Variants in CCDC112 observed in about 807,000 individuals in gnomAD.
The protein encoded by CCDC112 is coiled-coil domain containing 112.
A neutral mutation model predicts 66.3 loss-of-function variants in CCDC112; 40 were observed. The ratio of observed to expected loss-of-function variants is 0.60; its 90% CI spans 0.47 to 0.79. The LOEUF (loss-of-function observed/expected upper bound fraction) is 0.79, where lower values mean the gene tolerates loss of function less well. Ranked by LOEUF, CCDC112 falls within the 30% of genes least tolerant of loss-of-function variation. CCDC112 has a pLI of 0.00. For missense variants in CCDC112, 659 were observed against 603.8 expected (o/e 1.09, Z -0.96); for synonymous variants, 214 against 197.2 (o/e 1.09, Z -0.71).
chr5:115,293,996 G>A (rs1404452252), intron 1 of CCDC112, among the ~76,000 whole-genome samples: 1 of 152,188 alleles, frequency 6.6e-6, no homozygotes, highest in Admixed American at 6.5e-5. Flanking sequence ...AAATGACATT[G>A]GAGAGGAGGA....
chr5:115,291,067 G>A lies in CCDC112; in HGVS notation c.117+5360C>T, dbSNP rs527719055. On this transcript the variant is annotated intron_variant, in intron 1 of 9. Transcript: ENST00000379611. ...AATTTTGCCTTGTTCCTGATCATAC[G>A]GAAACAGCTTTCCATATTTGATCAT... Among the ~76,000 whole-genome samples the A allele has an allele frequency of 7.2e-5, 11 of 152,100 alleles. No individual in the cohort carries two copies. The South Asian group carries it at 1.7e-3, about 23-fold the overall frequency.
At chr5:115,291,557 A>G (rs1580810993) in intron 1 of CCDC112, among the ~76,000 whole-genome samples, 2 of 152,268 alleles carry the variant, frequency 1.3e-5, no homozygotes, top group Middle Eastern at 3.4e-3. Context: ...CATTTGTTAA[A>G]AACAAAAATA....
In CCDC112 at chr5:115,292,560, A is replaced by T. The variant is rs1218289304; in HGVS notation, c.117+3867T>A. ...GAACCATACTTTCTTGCCGTGTCTC[A>T]TAACTTTGTTAAAGACTGGACATAT... On this transcript the variant is annotated intron_variant, in intron 1 of 9. Coordinates refer to ENST00000379611, the MANE Select transcript of CCDC112 (RefSeq NM_001040440.3). 1.8e-4 allele frequency among the ~76,000 whole-genome samples: 27 copies of T among 152,332 alleles called. 1 individual carries two copies. Among genetic ancestry groups the T allele is most frequent in the Middle Eastern group, 3.4e-3 (1 of 294 alleles).
At chr5:115,272,800 T>C (rs1024457220) in intron 6 of CCDC112, among the ~76,000 whole-genome samples, 15 of 152,156 alleles carry the variant, frequency 9.9e-5, no homozygotes, top group African/African-American at 3.6e-4. Flanking sequence ...GGCAATGTGA[T>C]AGGAACAATG....
chr5:115,268,660 AT>A, intron 9 of CCDC112, among the ~76,000 whole-genome samples: 1 of 147,924 alleles, frequency 6.8e-6, no homozygotes, highest in Admixed American at 6.8e-5. Flanking sequence ...ATATGAAAAA[AT>A]ATGTATATTT....
At chr5:115,293,175 G>T (rs997596497) in intron 1 of CCDC112, among the ~76,000 whole-genome samples, 8 of 152,188 alleles carry the variant, frequency 5.3e-5, no homozygotes, top group African/African-American at 1.9e-4. Context: ...AGAGGCTGGT[G>T]GGGAGGGCAA....
At chr5:115,294,202 T>C (rs1750049761) in intron 1 of CCDC112, among the ~76,000 whole-genome samples, 1 of 152,232 alleles carries the variant, frequency 6.6e-6, no homozygotes, top group Admixed American at 6.5e-5. Flanking sequence ...AGATATTTAC[T>C]CCAAAGTAAT....
Position 115,296,566 on chromosome 5 carries a change from G to A in CCDC112, c.-23C>T. ...CATGTTTACCCGCCGAGCTACTCGGGCCGCGGCGGCCACCGGTGCCTGGGG... is the reference window on the plus strand; with the variant it reads ...CATGTTTACCCGCCGAGCTACTCGGACCGCGGCGGCCACCGGTGCCTGGGG... On this transcript the variant is annotated 5_prime_UTR_variant, in exon 1 of 10. Coordinates refer to ENST00000379611, the MANE Select transcript of CCDC112 (RefSeq NM_001040440.3). The A allele has an allele frequency of 6.9e-7, 1 of 1,448,384 alleles. No homozygotes were observed. Among genetic ancestry groups the A allele is most frequent in the Non-Finnish European group, 9.1e-7 (1 of 1,104,174 alleles). The allele number at this position is 1,448,384 out of a possible 1,614,324, so 89.7% of individuals were successfully genotyped here. A position where few individuals can be genotyped will look rare whatever the true frequency, so the allele number is the denominator to read the frequency against.
chr5:115,291,687 A>G (rs1490905836), intron 1 of CCDC112, among the ~76,000 whole-genome samples: 2 of 152,174 alleles, frequency 1.3e-5, no homozygotes, highest in Non-Finnish European at 2.9e-5. Flanking sequence ...ACTCCTTTTA[A>G]TGTAGGGCAA....
Position 115,271,213 on chromosome 5 carries a change from T to A in CCDC112, c.1332A>T (p.Arg444Ser), listed in dbSNP as rs1473176035. ...AADEISRFQE[R>S]DLHKLELKIL... The stretch of plus-strand genomic sequence containing the variant: ...TTATTTAGGAAATAGATTTACTCAC[T>A]CTTTCTTGAAATCTGGAAATTTCAT... The change falls in exon 7 of 10, where the codon AGA (arginine) becomes AGT (serine). Residue 444 changes from arginine (R) to serine (S), a missense_variant and splice_region_variant. Coordinates refer to ENST00000379611, the MANE Select transcript of CCDC112 (RefSeq NM_001040440.3). 6.3e-7 allele frequency: 1 copy of A among 1,576,148 alleles called. No homozygotes were observed. Among genetic ancestry groups the A allele is most frequent in the Admixed American group, 2.1e-5 (1 of 48,568 alleles).
intron 6 of CCDC112, among the ~76,000 whole-genome samples, chr5:115,273,675 G>T (rs1036010697): frequency 6.6e-6 from 1 of 152,176 alleles, no homozygotes; most frequent in African/African-American, 2.4e-5. Flanking sequence ...TCCTAAAGAG[G>T]TGGTTTTCAT....
chr5:115,269,034 A>T (rs1217424825), intron 8 of CCDC112, 34 bp from the exon 9 acceptor site: 17 of 1,263,460 alleles, frequency 1.3e-5, no homozygotes, highest in Non-Finnish European at 1.9e-5. Context: ...CCAGTTAATT[A>T]TACAAACTCA....
In CCDC112 at chr5:115,275,393, T is replaced by C. The variant is rs1397909659; in HGVS notation, c.741A>G (p.Gln247=). The C allele has an allele frequency of 1.2e-6, 2 of 1,614,068 alleles. No individual in the cohort carries two copies. Among genetic ancestry groups the C allele is most frequent in the Admixed American group, 1.7e-5 (1 of 60,010 alleles). ...EKFLQQTGGR[Q]GAWDDYDHQN... ...GGTGATCATAATCATCCCAGGCACC[T>C]TGTCGCCCTCCTGTTTGCTGAAGGA... is the stretch of plus-strand genomic sequence containing the variant. The change falls in exon 6 of 10, where the codon CAA becomes CAG. Residue 247 remains glutamine, a synonymous_variant. Transcript: ENST00000379611.
chr5:115,285,215 C>T (rs1354183752), intron 1 of CCDC112, among the ~76,000 whole-genome samples: 1 of 152,074 alleles, frequency 6.6e-6, no homozygotes, highest in African/African-American at 2.4e-5. Flanking sequence ...ACACGGGCTA[C>T]ATTAGACACT....
chr5:115,275,609 A>T lies in CCDC112; in HGVS notation c.528-3T>A, dbSNP rs1749175630. 6.6e-7 allele frequency: 1 copy of T among 1,525,764 alleles called. No homozygotes were observed. The highest frequency in any genetic ancestry group is 8.9e-7 in the Non-Finnish European group (1 of 1,126,844). The allele number at this position is 1,525,764 out of a possible 1,614,324, so 94.5% of individuals were successfully genotyped here. ...CTTCTTTAATTAGCTCTTCATATCT[A>T]AAATTTTAAAAATAAAGTTTGAATA... is the stretch of plus-strand genomic sequence containing the variant. On this transcript the variant is annotated splice_region_variant and splice_polypyrimidine_tract_variant and intron_variant, in intron 5 of 9. Transcript: ENST00000379611.
At position 115,269,703 on chromosome 5, in the gene CCDC112, C is replaced by T. The variant is rs781598493; in HGVS notation, c.1428G>A (p.Lys476=). 22 of 1,581,962 alleles carry T rather than the reference C, an allele frequency of 1.4e-5. No homozygotes were observed. The highest frequency in any genetic ancestry group is 1.5e-5 in the Non-Finnish European group (17 of 1,161,540). Residue 476 remains lysine, a splice_region_variant and synonymous_variant, in exon 8 of 10, where the codon AAG becomes AAA. Transcript: ENST00000379611. ...TGAAAATAATCTCGGTGCAGAGTAC[C>T]TTTTCTTTTAATTTTGCCAGTCTTC... is the stretch of plus-strand genomic sequence containing the variant. ...KQRRLAKLKE[K]VENNVSRDPS... is the part of the protein sequence containing the mutation.
intron 8 of CCDC112, 42 bp downstream of exon 8, chr5:115,269,661 A>G (rs1465619913): frequency 7.5e-7 from 1 of 1,333,002 alleles, no homozygotes; most frequent in Non-Finnish European, 1.1e-6. Context: ...CAAATCAAGG[A>G]ATTAGGATAA....
intron 1 of CCDC112, among the ~76,000 whole-genome samples, chr5:115,291,563 A>G (rs1284978934): frequency 1.3e-5 from 2 of 152,192 alleles, no homozygotes; most frequent in African/African-American, 4.8e-5. Context: ...TTAAAAACAA[A>G]AATACATTTA....
intron 1 of CCDC112, among the ~76,000 whole-genome samples, chr5:115,290,670 T>C (rs1262312105): frequency 1.3e-5 from 2 of 152,208 alleles, no homozygotes; most frequent in African/African-American, 2.4e-5. Flanking sequence ...ATAATTTTTA[T>C]AGGTTTTAGA....
Sources: gnomAD v4.1 joint callset for allele counts (sites outside exome capture counted in the v4.1 genomes callset) on GRCh38, gnomAD v4.1.1 for gene constraint, MANE v1.5 for transcripts, NCBI Gene and HGNC (gene_info 2026-07-23, HGNC 2026-07-21) for gene names.